The following FNIP1 variants were observed in gnomAD, a reference collection of about 807,000 sequenced individuals.
FNIP1 encodes folliculin interacting protein 1.
FNIP1 carries 40 observed loss-of-function variants against 124.5 expected under a neutral mutation model. The ratio of observed to expected loss-of-function variants is 0.32; its 90% CI spans 0.25 to 0.42. The LOEUF (loss-of-function observed/expected upper bound fraction) is 0.42. FNIP1 is among the 10% of genes least tolerant of loss of function. FNIP1 has a pLI of 1.00. For synonymous variants in FNIP1, 472 were observed against 470.6 expected (o/e 1.00, Z -0.04); for missense variants, 1,176 against 1,403.7 (o/e 0.84, Z 2.59).
At chr5:131,707,247 T>C (rs1406396009) in intron 8 of FNIP1, among the ~76,000 whole-genome samples, 1 of 152,204 alleles carries the variant, frequency 6.6e-6, no homozygotes, top group Non-Finnish European at 1.5e-5. Flanking sequence ...TGATTTTTCA[T>C]TAGGCTAGGA....
rs1411265439 is a variant in FNIP1 at position 131,710,470 on chromosome 5, C to G, written c.706+108G>C. ...CTTCCTAATGCAATGTTTTCTTAAC[C>G]ACAACCTCACCAACTGCATTCATCT... On this transcript the variant is annotated intron_variant, in intron 7 of 17. Transcript: ENST00000510461. 5 of 946,148 alleles carry G rather than the reference C, an allele frequency of 5.3e-6. No individual in the cohort carries two copies. In the Admixed American group the frequency reaches 1.6e-4, roughly 31 times the overall value. 58.6% of individuals were successfully genotyped at this position (946,148 alleles called of 1,614,324 possible). A position where few individuals can be genotyped will look rare whatever the true frequency, so the allele number is the denominator to read the frequency against.
intron 15 of FNIP1, among the ~76,000 whole-genome samples, chr5:131,667,273 C>T (rs889235658): frequency 2.0e-5 from 3 of 152,162 alleles, no homozygotes; most frequent in African/African-American, 7.2e-5. Context: ...CCTTGGAGTA[C>T]TGGCACTATA....
At chr5:131,661,749 A>C (rs1222783252) in intron 15 of FNIP1, among the ~76,000 whole-genome samples, 1 of 152,156 alleles carries the variant, frequency 6.6e-6, no homozygotes, top group Non-Finnish European at 1.5e-5. Context: ...AGGGAAAGGG[A>C]AATCAGAAAC....
At chr5:131,679,343 T>C (rs1768005197) in intron 11 of FNIP1, among the ~76,000 whole-genome samples, 168 bp from the exon 12 acceptor site, 2 of 152,192 alleles carry the variant, frequency 1.3e-5, no homozygotes, top group South Asian at 4.1e-4. Flanking sequence ...CACAGTACCA[T>C]GGGAAATGTT....
chr5:131,697,809 TA>T (rs70974008), intron 11 of FNIP1, among the ~76,000 whole-genome samples: 14 of 145,570 alleles, frequency 9.6e-5, no homozygotes, highest in Non-Finnish European at 1.2e-4. Context: ...CTACTAAAAA[TA>T]AAAAAAAAAT....
Position 131,704,612 on chromosome 5 carries a change from T to C in FNIP1, c.915-346A>G, listed in dbSNP as rs79332458. On this transcript the variant is annotated intron_variant, in intron 9 of 17. Coordinates refer to ENST00000510461, the MANE Select transcript of FNIP1 (RefSeq NM_133372.3). ...ATCTTTTCCCTGTTCTAGGCCCTTC[T>C]GGTGTCTGTTTTTGATTTCAGGAGT... Among the ~76,000 whole-genome samples, 412 of 152,300 alleles carry C rather than the reference T, an allele frequency of 2.7e-3. 12 individuals are homozygous for C. The East Asian group carries it at 0.071, about 26-fold the overall frequency.
In FNIP1 at chr5:131,692,156, G is replaced by A. The variant is rs143081399; in HGVS notation, c.1202+6761C>T. ...TATAAAAAGTTTCAAAGAATCAATC[G>A]AAAGAAAAAAACAACTGTTGGAACT... On this transcript the variant is annotated intron_variant, in intron 11 of 17. Transcript: ENST00000510461. 3.2e-3 allele frequency among the ~76,000 whole-genome samples: 483 copies of A among 151,940 alleles called. 3 individuals carry two copies. Among genetic ancestry groups the A allele is most frequent in the African/African-American group, 0.011 (459 of 41,486 alleles).
At chr5:131,743,562 C>A (rs1029317543) in intron 2 of FNIP1, among the ~76,000 whole-genome samples, 1 of 152,064 alleles carries the variant, frequency 6.6e-6, no homozygotes. Context: ...AAGGACACTG[C>A]TATGGACTGA....
intron 1 of FNIP1, among the ~76,000 whole-genome samples, chr5:131,760,865 A>G (rs1298434778): frequency 7.1e-6 from 1 of 140,638 alleles, no homozygotes; most frequent in East Asian, 2.5e-4. Context: ...CAGGAGGGAA[A>G]GAGGGAAGAA....
chr5:131,780,702 T>C (rs1259864135), intron 1 of FNIP1, among the ~76,000 whole-genome samples: 1 of 152,186 alleles, frequency 6.6e-6, no homozygotes, highest in Non-Finnish European at 1.5e-5. Context: ...TGTGCCCATA[T>C]AAGACAGCAA....
intron 1 of FNIP1, among the ~76,000 whole-genome samples, chr5:131,761,053 T>A (rs533187536): frequency 1.3e-5 from 2 of 152,358 alleles, no homozygotes; most frequent in South Asian, 4.1e-4. Context: ...AAATATTTTC[T>A]GAACATTGGT....
Position 131,679,066 on chromosome 5 carries a change from C to G in FNIP1, c.1312G>C (p.Glu438Gln). The G allele has an allele frequency of 1.9e-6, 3 of 1,612,314 alleles. No individual in the cohort carries two copies. The highest frequency in any genetic ancestry group is 2.5e-6 in the Non-Finnish European group (3 of 1,179,278). ...KNHLCYRFMKEFTFLMENASK... is the reference protein window; with the variant it reads ...KNHLCYRFMKQFTFLMENASK... ...GCATTTTCCATTAGAAAGGTGAACT[C>G]CTTCATGAAACGATAGCAAAGGTGG... The change falls in exon 12 of 18, where the codon GAG (glutamate) becomes CAG (glutamine). Residue 438 changes from glutamate (E) to glutamine (Q), a missense_variant. Coordinates refer to ENST00000510461, the MANE Select transcript of FNIP1 (RefSeq NM_133372.3).
chr5:131,717,328 T>C (rs1769503674), intron 5 of FNIP1, among the ~76,000 whole-genome samples: 1 of 152,200 alleles, frequency 6.6e-6, no homozygotes, highest in Non-Finnish European at 1.5e-5. Flanking sequence ...CATCCTTTTT[T>C]ATGGCTGCAT....
intron 10 of FNIP1, among the ~76,000 whole-genome samples, chr5:131,703,556 G>A (rs1485923784): frequency 6.6e-6 from 1 of 152,164 alleles, no homozygotes; most frequent in African/African-American, 2.4e-5. Context: ...CTGCAATAAG[G>A]CCTTTGCCCC....
At chr5:131,673,013 A>C in intron 13 of FNIP1, 89 bp from the exon 14 acceptor site, 1 of 947,702 alleles carries the variant, frequency 1.1e-6, no homozygotes, top group Non-Finnish European at 1.5e-6. Context: ...TACTTCTTTT[A>C]CTGTATGAGT....
chr5:131,687,067 G>A (rs1467950647), intron 11 of FNIP1, among the ~76,000 whole-genome samples: 2 of 141,754 alleles, frequency 1.4e-5, no homozygotes, highest in Non-Finnish European at 1.5e-5. Flanking sequence ...AAATTCCAAA[G>A]AAAAGTCTAG....
chr5:131,675,137 G>A (rs749238554), intron 13 of FNIP1, among the ~76,000 whole-genome samples: 14 of 152,170 alleles, frequency 9.2e-5, no homozygotes, highest in Non-Finnish European at 1.6e-4. Context: ...CTGGACCACT[G>A]AATATGCTCT....
At chr5:131,723,897 T>A (rs1769761347) in intron 3 of FNIP1, among the ~76,000 whole-genome samples, 1 of 151,246 alleles carries the variant, frequency 6.6e-6, no homozygotes, top group South Asian at 2.1e-4. Context: ...TGTGTGATGT[T>A]TCCCTCCCTG....
intron 1 of FNIP1, among the ~76,000 whole-genome samples, chr5:131,745,617 G>T (rs1479135496): frequency 6.6e-6 from 1 of 151,922 alleles, no homozygotes; most frequent in Non-Finnish European, 1.5e-5. Flanking sequence ...ATATATATGT[G>T]TGTGTATACA....
Sources: allele counts gnomAD v4.1 joint callset (sites outside exome capture counted in the v4.1 genomes callset), GRCh38; gene constraint gnomAD v4.1.1; transcripts MANE v1.5; gene names NCBI Gene and HGNC (gene_info 2026-07-23, HGNC 2026-07-21).